Variants in RCOR3 observed in about 807,000 individuals in gnomAD.
The protein encoded by RCOR3 is REST corepressor 3.
RCOR3 carries 13 observed loss-of-function variants against 64.1 expected under a neutral mutation model. The ratio of observed to expected loss-of-function variants is 0.20; its 90% confidence interval spans 0.13 to 0.32. The LOEUF is 0.32. RCOR3 is among the 10% of genes least tolerant of loss of function. RCOR3 has a pLI of 1.00. For synonymous variants in RCOR3, 215 were observed against 239.0 expected, an observed-to-expected ratio of 0.90 and a Z score of 0.93; for missense variants, 489 against 701.2, an observed-to-expected ratio of 0.70 and a Z score of 3.42.
At chr1:211,286,255 CT>C (rs1334025942) in intron 7 of RCOR3, among the ~76,000 whole-genome samples, 1 of 151,418 alleles carries the variant, frequency 6.6e-6, no homozygotes, top group African/African-American at 2.4e-5. Flanking sequence ...AAGAATCCAT[CT>C]CTTACTCAAT....
chr1:211,277,802 A>G (rs932206653), intron 5 of RCOR3, among the ~76,000 whole-genome samples: 1 of 152,226 alleles, frequency 6.6e-6, no homozygotes, highest in African/African-American at 2.4e-5. Context: ...CTTAAAATAG[A>G]GAATTTTATT....
At chr1:211,279,968 A>G (rs1050295625) in intron 7 of RCOR3, among the ~76,000 whole-genome samples, 17 of 152,198 alleles carry the variant, frequency 1.1e-4, no homozygotes, top group Non-Finnish European at 2.2e-4. Flanking sequence ...TACTATGAAA[A>G]ACAGTTTCCA....
intron 8 of RCOR3, 36 bp from the exon 9 acceptor site, chr1:211,295,640 G>A (rs762583054): frequency 8.9e-6 from 14 of 1,568,230 alleles, no homozygotes; most frequent in East Asian, 2.2e-5. Context: ...ACCTAAGTAC[G>A]CGATCTGATT....
chr1:211,262,856 TA>T (rs1694567105), intron 2 of RCOR3, among the ~76,000 whole-genome samples: 1 of 134,046 alleles, frequency 7.5e-6, no homozygotes, highest in South Asian at 2.6e-4. Context: ...TTTTTATCTT[TA>T]TTTTTTAAAC....
intron 10 of RCOR3, among the ~76,000 whole-genome samples, chr1:211,309,521 G>C (rs1237334670): frequency 6.6e-6 from 1 of 152,160 alleles, no homozygotes; most frequent in Non-Finnish European, 1.5e-5. Context: ...ATGAAATTTA[G>C]AAATTTGACT....
rs775879985 is a variant in RCOR3, at chr1:211,315,250, A to G, written c.*1482A>G. ...TGTAGAATACTTCACAAAATAGTCA[A>G]CATCTAAGGCCCTAATTTATGTTTT... On this transcript the variant is annotated 3_prime_UTR_variant, in exon 12 of 12. Coordinates refer to ENST00000419091, the MANE Select transcript of RCOR3 (RefSeq NM_001136223.3). The G allele has an allele frequency of 8.5e-5, 13 of 152,244 alleles. No homozygotes were observed. The highest frequency in any genetic ancestry group is 1.9e-4 in the Non-Finnish European group (13 of 68,026). The allele number at this position is 152,244 out of a possible 1,614,324, so 9.4% of individuals were successfully genotyped here.
intron 2 of RCOR3, among the ~76,000 whole-genome samples, chr1:211,263,096 C>T (rs903106749): frequency 2.9e-5 from 4 of 139,552 alleles, no homozygotes; most frequent in Non-Finnish European, 6.0e-5. Context: ...TTGTTCAGTT[C>T]CCATCTATGA....
chr1:211,267,239 C>A (rs1340790526), intron 2 of RCOR3, among the ~76,000 whole-genome samples: 2 of 152,164 alleles, frequency 1.3e-5, no homozygotes, highest in Non-Finnish European at 2.9e-5. Flanking sequence ...ATAGATTTAT[C>A]CAAGGTGACA....
chr1:211,306,726 T>G (rs1177409957), intron 10 of RCOR3, among the ~76,000 whole-genome samples: 2 of 152,210 alleles, frequency 1.3e-5, no homozygotes, highest in Non-Finnish European at 2.9e-5. Flanking sequence ...CTACTCATAT[T>G]GTTGTTAACT....
intron 7 of RCOR3, among the ~76,000 whole-genome samples, chr1:211,286,129 C>T (rs1698485205): frequency 6.6e-6 from 1 of 152,034 alleles, no homozygotes; most frequent in Non-Finnish European, 1.5e-5. Flanking sequence ...GAGTTAAGCC[C>T]ATTTATATTG....
chr1:211,267,306 A>G (rs961185592), intron 2 of RCOR3, among the ~76,000 whole-genome samples: 2 of 152,198 alleles, frequency 1.3e-5, no homozygotes, highest in Admixed American at 1.3e-4. Context: ...TTCGTAGTTC[A>G]TATTCTTAAC....
chr1:211,279,192 A>G (rs1291407779), intron 6 of RCOR3, 46 bp from the exon 7 acceptor site: 2 of 1,384,012 alleles, frequency 1.4e-6, no homozygotes, highest in Non-Finnish European at 2.0e-6. Context: ...TGTCTTAAAA[A>G]AAAAAAAAAA....
chr1:211,308,777 T>C (rs1701192554), intron 10 of RCOR3, among the ~76,000 whole-genome samples: 2 of 141,072 alleles, frequency 1.4e-5, no homozygotes, highest in African/African-American at 5.1e-5. Flanking sequence ...AGTGTCAGTA[T>C]CTCGGCTCAC....
In RCOR3 at chr1:211,313,055, A is replaced by C; in HGVS notation, c.1317+94A>C. On this transcript the variant is annotated intron_variant, in intron 11 of 11. Coordinates refer to ENST00000419091, the MANE Select transcript of RCOR3 (RefSeq NM_001136223.3). This position sits in a 1 kb window ranked among gnomAD's most constrained non-coding sequence, Gnocchi z 4.7. The stretch of plus-strand genomic sequence containing the variant: ...GGTTAATTTGTCAAGAGGACTAGCT[A>C]AATTGAGCATGAAAGGTTGACAATA... The C allele has an allele frequency of 6.3e-7, 1 of 1,587,308 alleles. No homozygotes were observed. The highest frequency in any genetic ancestry group is 2.2e-5 in the East Asian group (1 of 44,574).
At position 211,313,323 on chromosome 1, in the gene RCOR3, T is replaced by C; in HGVS notation, c.1318-101T>C. The C allele has an allele frequency of 6.8e-7, 1 of 1,472,224 alleles. No individual in the cohort carries two copies. Among genetic ancestry groups the C allele is most frequent in the South Asian group, 1.4e-5 (1 of 70,282 alleles). 91.2% of individuals were successfully genotyped at this position (1,472,224 alleles called of 1,614,324 possible). On this transcript the variant is annotated intron_variant, in intron 11 of 11. Coordinates refer to ENST00000419091, the MANE Select transcript of RCOR3 (RefSeq NM_001136223.3). This position sits in a 1 kb window ranked among gnomAD's most constrained non-coding sequence, Gnocchi z 4.7. ...ACACTGGTGTTATGTTTTTGTTTTG[T>C]TTTGATTTGTTTTGTTTTTCCTGTG...
At chr1:211,295,654 A>T (rs1375024184) in intron 8 of RCOR3, 22 bp from the exon 9 acceptor site, 4 of 1,606,826 alleles carry the variant, frequency 2.5e-6, no homozygotes, top group African/African-American at 1.3e-5. Flanking sequence ...TCTGATTCAC[A>T]TTTGGGGTTA....
Position 211,259,567 on chromosome 1 carries a change from G to C in RCOR3, c.7G>C (p.Gly3Arg), listed in dbSNP as rs762612693. Residue 3 changes from glycine to arginine, a missense_variant, in exon 1 of 12, where the codon GGC becomes CGC. By Grantham distance (125) the Gly-to-Arg change is moderately radical. Around this residue, in one of 2 missense-constraint regions of RCOR3, gnomAD observed 87 missense variants for 84.3 expected, o/e 1.03. Coordinates refer to ENST00000419091, the MANE Select transcript of RCOR3 (RefSeq NM_001136223.3). ...CCCCCTCCCCTGTTCTACCATGCCC[G>C]GCATGATGGAGAAAGGGCCCGAGTT... is the stretch of plus-strand genomic sequence containing the variant. MP[G>R]MMEKGPELLG... 6.5e-7 allele frequency: 1 copy of C among 1,546,124 alleles called. No individual in the cohort carries two copies. Among genetic ancestry groups the C allele is most frequent in the Admixed American group, 2.0e-5 (1 of 50,730 alleles).
chr1:211,275,730 G>A (rs943406813), intron 4 of RCOR3, among the ~76,000 whole-genome samples: 1 of 152,050 alleles, frequency 6.6e-6, no homozygotes, highest in Non-Finnish European at 1.5e-5. Flanking sequence ...AAGTAAATGT[G>A]GTTTAAAAAA....
chr1:211,290,450 CTT>C (rs1435399267), intron 8 of RCOR3, among the ~76,000 whole-genome samples: 9 of 152,196 alleles, frequency 5.9e-5, no homozygotes, highest in Non-Finnish European at 1.3e-4. Context: ...TCAATTCCCT[CTT>C]TTTTATCTCA....
Sources: gnomAD v4.1 joint callset for allele counts (sites outside exome capture counted in the v4.1 genomes callset) on GRCh38, gnomAD v4.1.1 for gene constraint, gnomAD v4.1.1 regional missense constraint, Gnocchi (gnomAD v3.1) non-coding constraint, MANE v1.5 for transcripts, NCBI Gene and HGNC (gene_info 2026-07-23, HGNC 2026-07-21) for gene names.